LMAN1: variants seen among roughly 807,000 people sequenced by gnomAD.
The protein encoded by LMAN1 is protein ERGIC-53.
A neutral mutation model predicts 67.8 loss-of-function variants in LMAN1; 32 were observed. That is an observed-to-expected ratio of 0.47 (90% CI 0.36 to 0.63). LMAN1 has a LOEUF of 0.63. Ranked by LOEUF, LMAN1 falls within the 30% of genes least tolerant of loss-of-function variation. LMAN1 has a pLI of 0.00. For missense variants in LMAN1, 632 were observed against 628.2 expected (o/e 1.01, Z -0.06); for synonymous variants, 235 against 219.3 (o/e 1.07, Z -0.63).
At chr18:59,346,682 AG>A (rs1188216517) in intron 7 of LMAN1, among the ~76,000 whole-genome samples, 2 of 151,320 alleles carry the variant, frequency 1.3e-5, no homozygotes, top group Non-Finnish European at 2.9e-5. Context: ...CACCACACCC[AG>A]CTATTTTTTG....
At chr18:59,334,454 T>C (rs944817096) in intron 10 of LMAN1, among the ~76,000 whole-genome samples, 1 of 152,128 alleles carries the variant, frequency 6.6e-6, no homozygotes, top group African/African-American at 2.4e-5. Flanking sequence ...TTTAGCTGAG[T>C]GTCAAAAAAT....
chr18:59,347,441 T>C, intron 7 of LMAN1, 72 bp downstream of exon 7: 1 of 1,048,930 alleles, frequency 9.5e-7, no homozygotes, highest in Non-Finnish European at 1.4e-6. Context: ...CAAACCTAAG[T>C]TAGTCTTCCA....
At chr18:59,351,909 A>C (rs768874019) in intron 5 of LMAN1, among the ~76,000 whole-genome samples, 4 of 152,192 alleles carry the variant, frequency 2.6e-5, no homozygotes, top group Non-Finnish European at 5.9e-5. Context: ...GCTCTATTCT[A>C]AGATCTCTAA....
intron 5 of LMAN1, among the ~76,000 whole-genome samples, chr18:59,349,959 C>T (rs1908504562): frequency 1.3e-5 from 2 of 152,104 alleles, no homozygotes; most frequent in South Asian, 4.2e-4. Flanking sequence ...CGAGTCCCAC[C>T]CTAAACAACA....
chr18:59,350,413 A>G (rs1458333752), intron 5 of LMAN1, among the ~76,000 whole-genome samples: 3 of 152,148 alleles, frequency 2.0e-5, no homozygotes, highest in Non-Finnish European at 4.4e-5. Flanking sequence ...AAATCCTCCA[A>G]TTGTTCAGTA....
Position 59,331,465 on chromosome 18 carries a change from T to C in LMAN1, c.1449A>G (p.Ile483Met), listed in dbSNP as rs1165338367. Reference sequence around the variant, plus strand: ...ATAATACAGTTTGCACCACAACAAATATAATGAAGTGGACCGTAGACAAAC... The same window carrying C: ...ATAATACAGTTTGCACCACAACAAACATAATGAAGTGGACCGTAGACAAAC... ...PSCLSTVHFI[I>M]FVVVQTVLFI... The change falls in exon 12 of 13, where the codon ATA (isoleucine) becomes ATG (methionine). Residue 483 changes from isoleucine (I) to methionine (M), a missense_variant. Transcript: ENST00000251047. 17 of 1,609,600 alleles carry C rather than the reference T, an allele frequency of 1.1e-5. 1 individual carries two copies. Among genetic ancestry groups the C allele is most frequent in the Non-Finnish European group, 1.4e-5 (17 of 1,176,198 alleles).
rs1017196177 is a variant in LMAN1, at chr18:59,353,259, G to T, written c.582C>A (p.Phe194Leu). The T allele has an allele frequency of 1.9e-6, 3 of 1,614,014 alleles. No individual in the cohort carries two copies. The highest frequency in any genetic ancestry group is 1.3e-5 in the African/African-American group (1 of 74,902). ...SQALASCQRD[F>L]RNKPYPVRAK... The stretch of plus-strand genomic sequence containing the variant: ...CTCGGACAGGATAGGGTTTGTTGCG[G>T]AAGTCCCTCTGGCAACTTGCCAAAG... The change falls in exon 5 of 13, where the codon TTC becomes TTA. Residue 194 changes from phenylalanine to leucine, a missense_variant. Physicochemically the swap from Phe to Leu is conservative, Grantham distance 22 (BLOSUM62 0). Coordinates refer to ENST00000251047, the MANE Select transcript of LMAN1 (RefSeq NM_005570.4).
At chr18:59,341,355 G>A (rs1229416641) in intron 8 of LMAN1, among the ~76,000 whole-genome samples, 3 of 151,974 alleles carry the variant, frequency 2.0e-5, no homozygotes, top group African/African-American at 7.2e-5. Context: ...AGACCAAATG[G>A]ACTTAGACAT....
chr18:59,347,862 A>T (rs753526412), intron 6 of LMAN1, among the ~76,000 whole-genome samples: 29 of 152,378 alleles, frequency 1.9e-4, no homozygotes, highest in Middle Eastern at 3.4e-3. Context: ...TTGATAAGAA[A>T]TGAACAAACA....
At chr18:59,343,089 C>T (rs1429227608) in intron 8 of LMAN1, among the ~76,000 whole-genome samples, 1 of 143,994 alleles carries the variant, frequency 6.9e-6, no homozygotes, top group African/African-American at 2.6e-5. Flanking sequence ...ATATATTTAA[C>T]CAAGAAGGGG....
In LMAN1 at chr18:59,328,349, T is replaced by C. The variant is rs1397054091; in HGVS notation, c.*2744A>G. ...GTTTTCATGGCTTGACCATGAATGATCTCAAGATGATTTCATAAGATTAAA... is the reference window on the plus strand; with the variant it reads ...GTTTTCATGGCTTGACCATGAATGACCTCAAGATGATTTCATAAGATTAAA... On this transcript the variant is annotated 3_prime_UTR_variant, in exon 13 of 13. Coordinates refer to ENST00000251047, the MANE Select transcript of LMAN1 (RefSeq NM_005570.4). The C allele has an allele frequency of 3.3e-5, 5 of 152,158 alleles. No individual in the cohort carries two copies. Among genetic ancestry groups the C allele is most frequent in the African/African-American group, 1.2e-4 (5 of 41,444 alleles). 9.4% of individuals were successfully genotyped at this position (152,158 alleles called of 1,614,324 possible).
chr18:59,357,929 T>A (rs1908696522), intron 1 of LMAN1, among the ~76,000 whole-genome samples: 2 of 142,536 alleles, frequency 1.4e-5, no homozygotes, highest in Admixed American at 1.5e-4. Flanking sequence ...CTAACCAACC[T>A]GCACGTTGTG....
intron 1 of LMAN1, among the ~76,000 whole-genome samples, chr18:59,358,795 A>T (rs1469560249): frequency 6.6e-6 from 1 of 152,172 alleles, no homozygotes; most frequent in Non-Finnish European, 1.5e-5. Flanking sequence ...GGAAGACAGC[A>T]GGCGGGTGAG....
At chr18:59,336,551 G>C (rs1421827758) in intron 10 of LMAN1, among the ~76,000 whole-genome samples, 1 of 152,148 alleles carries the variant, frequency 6.6e-6, no homozygotes, top group African/African-American at 2.4e-5. Flanking sequence ...CCTGACAGCA[G>C]AATTCCAATG....
rs2070727623 is a variant in LMAN1, at chr18:59,328,568, A to G, written c.*2525T>C. 1 of 149,484 alleles carries G rather than the reference A, an allele frequency of 6.7e-6. No homozygotes were observed. The highest frequency in any genetic ancestry group is 2.5e-5 in the African/African-American group (1 of 40,760). 9.3% of individuals were successfully genotyped at this position (149,484 alleles called of 1,614,324 possible). On this transcript the variant is annotated 3_prime_UTR_variant, in exon 13 of 13. Transcript: ENST00000251047. ...TCAGCTCTAAATTAACAAAACACCT[A>G]TTTTTTTTTTCCCACTCCTCATTTT... is the stretch of plus-strand genomic sequence containing the variant.
At position 59,329,241 on chromosome 18, in the gene LMAN1, C is replaced by T. The variant is rs959165580; in HGVS notation, c.*1852G>A. On this transcript the variant is annotated 3_prime_UTR_variant, in exon 13 of 13. Transcript: ENST00000251047. ...CATGCTGTTTCATAATAGCCATCTC[C>T]ATTTGTAGTAAGAATAATCAGAATG... 6.6e-6 allele frequency: 1 copy of T among 152,160 alleles called. No homozygotes were observed. The highest frequency in any genetic ancestry group is 1.5e-5 in the Non-Finnish European group (1 of 68,020). The allele number at this position is 152,160 out of a possible 1,614,324, so 9.4% of individuals were successfully genotyped here. A position where few individuals can be genotyped will look rare whatever the true frequency, so the allele number is the denominator to read the frequency against.
chr18:59,354,573 T>C lies in LMAN1; in HGVS notation c.485A>G (p.Asn162Ser), dbSNP rs773761043. 2.8e-6 allele frequency: 4 copies of C among 1,448,862 alleles called. No individual in the cohort carries two copies. In the East Asian group the frequency reaches 9.1e-5, roughly 33 times the overall value. The allele number at this position is 1,448,862 out of a possible 1,614,324, so 89.8% of individuals were successfully genotyped here. A position where few individuals can be genotyped will look rare whatever the true frequency, so the allele number is the denominator to read the frequency against. ...GTTGCCTATAATTACTATAGCAGGATTATTTTTCTAAAAAAAAGGAAAACA... is the reference window on the plus strand; with the variant it reads ...GTTGCCTATAATTACTATAGCAGGACTATTTTTCTAAAAAAAAGGAAAACA... ...DSFDNDGKKN[N>S]PAIVIIGNNG... The change falls in exon 4 of 13, where the codon AAT (asparagine) becomes AGT (serine). Residue 162 changes from asparagine (N) to serine (S), a missense_variant. Transcript: ENST00000251047.
intron 1 of LMAN1, among the ~76,000 whole-genome samples, chr18:59,357,324 T>A (rs898634815): frequency 2.0e-5 from 3 of 152,192 alleles, no homozygotes; most frequent in African/African-American, 7.2e-5. Flanking sequence ...ATTTGACTAG[T>A]TGATTAACAT....
chr18:59,331,290 C>A, intron 12 of LMAN1, 128 bp downstream of exon 12: 1 of 1,138,138 alleles, frequency 8.8e-7, no homozygotes, highest in Non-Finnish European at 1.3e-6. Context: ...CTGAAATGAA[C>A]AGAAATCACA....
Sources: allele counts gnomAD v4.1 joint callset (sites outside exome capture counted in the v4.1 genomes callset), GRCh38; gene constraint gnomAD v4.1.1; transcripts MANE v1.5; gene names NCBI Gene and HGNC (gene_info 2026-07-23, HGNC 2026-07-21).